The following LCORL variants were observed in gnomAD, a reference collection of about 807,000 sequenced individuals.
LCORL encodes ligand dependent nuclear receptor corepressor like, also known as ligand-dependent nuclear receptor corepressor-like protein.
A neutral mutation model predicts 141.8 loss-of-function variants in LCORL; 41 were observed. The observed-to-expected ratio is 0.29, with a 90% CI of 0.23 to 0.38. The LOEUF is 0.38. LCORL is among the 10% of genes least tolerant of loss of function. The probability of loss-of-function intolerance (pLI) is 1.00; values close to 1 mark genes in which losing one functional copy is unlikely to be tolerated. For synonymous variants in LCORL, 618 were observed against 694.1 expected, an observed-to-expected ratio of 0.89 and a Z score of 1.72; for missense variants, 1,759 against 2,035.0, an observed-to-expected ratio of 0.86 and a Z score of 2.61.
rs180761406 is a variant in LCORL at position 17,861,527 on chromosome 4, G to A, written c.5602+11861C>T. ...GGCCTGTGATGGGAGGGGCTGCTGTGAAGACCTCTACCATGCCTTTGAGAC... is the reference window on the plus strand; with the variant it reads ...GGCCTGTGATGGGAGGGGCTGCTGTAAAGACCTCTACCATGCCTTTGAGAC... On this transcript the variant is annotated intron_variant, in intron 7 of 7. Coordinates refer to ENST00000635767, the Ensembl canonical transcript of LCORL. Among the ~76,000 whole-genome samples, 4 of 152,322 alleles carry A rather than the reference G, an allele frequency of 2.6e-5. No individual in the cohort carries two copies. In the East Asian group the frequency reaches 7.7e-4, roughly 29 times the overall value.
At chr4:18,001,241 G>T (rs188675139) in intron 1 of LCORL, among the ~76,000 whole-genome samples, 9 of 152,296 alleles carry the variant, frequency 5.9e-5, no homozygotes, top group African/African-American at 1.7e-4. Flanking sequence ...CAAGATTATT[G>T]TGAGGATTAA....
chr4:17,896,130 T>C (rs1577353793), intron 5 of LCORL, among the ~76,000 whole-genome samples: 1 of 152,226 alleles, frequency 6.6e-6, no homozygotes, highest in Admixed American at 6.5e-5. Flanking sequence ...TCCAAAGGGG[T>C]TGCATCATTT....
intron 4 of LCORL, among the ~76,000 whole-genome samples, chr4:17,911,276 A>C (rs921355599): frequency 6.6e-6 from 1 of 151,416 alleles, no homozygotes; most frequent in African/African-American, 2.5e-5. Flanking sequence ...TATTTAAATC[A>C]CCAAATGGCA....
Position 17,907,262 on chromosome 4 carries a change from G to C in LCORL, c.682+1832C>G, listed in dbSNP as rs539235456. 7.9e-5 allele frequency among the ~76,000 whole-genome samples: 12 copies of C among 152,274 alleles called. No homozygotes were observed. The South Asian group carries it at 2.5e-3, about 32-fold the overall frequency. ...GGCTTCTTCTGTGGTGATGAGGAACGGGGGGTAGACAGTGCGGTGAGAGTA... is the reference window on the plus strand; with the variant it reads ...GGCTTCTTCTGTGGTGATGAGGAACCGGGGGTAGACAGTGCGGTGAGAGTA... On this transcript the variant is annotated intron_variant, in intron 5 of 7. Coordinates refer to ENST00000635767, the Ensembl canonical transcript of LCORL.
chr4:17,918,243 T>A (rs1381869332), intron 4 of LCORL, among the ~76,000 whole-genome samples: 1 of 152,178 alleles, frequency 6.6e-6, no homozygotes, highest in Non-Finnish European at 1.5e-5. Flanking sequence ...GGGTGGAGGA[T>A]AATCTGATTT....
intron 7 of LCORL, among the ~76,000 whole-genome samples, chr4:17,858,278 T>C: frequency 6.6e-6 from 1 of 151,474 alleles, no homozygotes; most frequent in Non-Finnish European, 1.5e-5. Flanking sequence ...ATTAGTGAAC[T>C]TAAAAACACA....
chr4:17,931,547 C>A (rs1736042901), intron 4 of LCORL, among the ~76,000 whole-genome samples: 1 of 151,902 alleles, frequency 6.6e-6, no homozygotes, highest in Non-Finnish European at 1.5e-5. Flanking sequence ...AGAAATTCTG[C>A]AACTTTGCTT....
At chr4:17,877,055 T>C (rs1423665913) in exon 7 of LCORL, 4 of 1,230,436 alleles carry the variant, frequency 3.3e-6, no homozygotes, top group Non-Finnish European at 4.1e-6. Context: ...TTTCGGTGTA[T>C]TTTTTTCTTG....
intron 1 of LCORL, among the ~76,000 whole-genome samples, chr4:17,977,711 A>G (rs1717235054): frequency 1.3e-5 from 2 of 152,178 alleles, no homozygotes; most frequent in Non-Finnish European, 1.5e-5. Context: ...CTCCTAGTCT[A>G]TCATTTGCAT....
At chr4:17,851,165 T>C (rs1165021065) in intron 7 of LCORL, among the ~76,000 whole-genome samples, 9 of 147,226 alleles carry the variant, frequency 6.1e-5, no homozygotes, top group Non-Finnish European at 3.0e-5. Context: ...CTTTAGGAGA[T>C]ATACCTAATG....
Position 17,962,052 on chromosome 4 carries a change from A to G in LCORL, c.301-20T>C. 1 of 1,531,508 alleles carries G rather than the reference A, an allele frequency of 6.5e-7. No homozygotes were observed. The highest frequency in any genetic ancestry group is 8.8e-7 in the Non-Finnish European group (1 of 1,132,390). 94.9% of individuals were successfully genotyped at this position (1,531,508 alleles called of 1,614,324 possible). A position where few individuals can be genotyped will look rare whatever the true frequency, so the allele number is the denominator to read the frequency against. On this transcript the variant is annotated intron_variant, in intron 3 of 7. Coordinates refer to ENST00000635767, the Ensembl canonical transcript of LCORL. ...ACAATCCTAAAAGTATAAGAAAACA[A>G]CAACATACAGAATTATTTTTTAATT...
intron 1 of LCORL, among the ~76,000 whole-genome samples, chr4:17,991,109 T>C (rs1719943379): frequency 6.6e-6 from 1 of 152,162 alleles, no homozygotes; most frequent in Admixed American, 6.5e-5. Flanking sequence ...AAATAAAATT[T>C]TTTAATAAAT....
At chr4:17,949,651 T>C (rs763709684) in intron 4 of LCORL, among the ~76,000 whole-genome samples, 2 of 152,166 alleles carry the variant, frequency 1.3e-5, no homozygotes, top group African/African-American at 2.4e-5. Context: ...ACAATACACT[T>C]TCTTCTCCTA....
At chr4:17,877,609 T>A in exon 7 of LCORL, 2 of 1,230,704 alleles carry the variant, frequency 1.6e-6, no homozygotes, top group Non-Finnish European at 2.0e-6. Flanking sequence ...AAGGCTGAAA[T>A]CTCTGAGATG....
chr4:17,873,648 T>C, exon 7 of LCORL: 4 of 1,233,986 alleles, frequency 3.2e-6, no homozygotes, highest in Non-Finnish European at 4.0e-6. Context: ...TTTAAAAGAA[T>C]TTTGCCTAGC....
intron 1 of LCORL, among the ~76,000 whole-genome samples, chr4:17,989,486 TAGAC>T (rs1309615679): frequency 4.6e-5 from 7 of 152,174 alleles, no homozygotes; most frequent in African/African-American, 9.7e-5. Context: ...GAGAAAGTAA[TAGAC>T]AGTGAATTAC....
intron 1 of LCORL, among the ~76,000 whole-genome samples, chr4:17,983,535 T>C (rs959774875): frequency 2.0e-5 from 3 of 152,188 alleles, no homozygotes; most frequent in East Asian, 3.9e-4. Flanking sequence ...CAACTGTGAA[T>C]GAGACTGAGT....
At chr4:17,845,356 TG>T (rs2109082962) in exon 8 of LCORL, 1 of 161,590 alleles carries the variant, frequency 6.2e-6, no homozygotes, top group Admixed American at 6.2e-5. Flanking sequence ...CAACTGCTCA[TG>T]GGTCAGGTTA....
chr4:18,011,489 T>G (rs1723783236), intron 1 of LCORL, among the ~76,000 whole-genome samples: 1 of 152,112 alleles, frequency 6.6e-6, no homozygotes, highest in African/African-American at 2.4e-5. Context: ...AAGCTATAAT[T>G]TATACTTCCA....
Sources: allele counts gnomAD v4.1 joint callset (sites outside exome capture counted in the v4.1 genomes callset), GRCh38; gene constraint gnomAD v4.1.1; transcripts MANE v1.5; gene names NCBI Gene and HGNC (gene_info 2026-07-23, HGNC 2026-07-21).